The following DLGAP4 variants were observed in gnomAD, a reference collection of about 807,000 sequenced individuals.
The protein encoded by DLGAP4 is DLG associated protein 4.
In DLGAP4, 18 loss-of-function variants were observed where a neutral mutation model predicts 86.9. That is an observed-to-expected ratio of 0.21 (90% CI 0.14 to 0.31). DLGAP4 has a LOEUF of 0.31. Ranked by LOEUF, DLGAP4 falls within the 10% of genes least tolerant of loss-of-function variation. The pLI, the probability that DLGAP4 is intolerant of heterozygous loss-of-function variation, is 1.00. For synonymous variants in DLGAP4, 548 were observed against 574.3 expected, an observed-to-expected ratio of 0.95 and a Z score of 0.65; for missense variants, 1,085 against 1,362.6, an observed-to-expected ratio of 0.80 and a Z score of 3.21.
intron 7 of DLGAP4, among the ~76,000 whole-genome samples, chr20:36,480,408 C>T (rs556624235): frequency 6.6e-5 from 10 of 152,188 alleles, no homozygotes; most frequent in African/African-American, 2.2e-4. Context: ...AACAATTCTC[C>T]GGAGGTAGGG....
In DLGAP4 at chr20:36,446,869, G is replaced by A. The variant is rs748342495; in HGVS notation, c.1580G>A (p.Ser527Asn). 5.6e-6 allele frequency: 9 copies of A among 1,613,356 alleles called. No homozygotes were observed. The East Asian group carries it at 1.6e-4, about 28-fold the overall frequency. The part of the protein sequence containing the change: ...IQAGCSQEED[S>N]VSLQSLSPPP... ...GCAGGCTGCTCGCAGGAGGAGGACA[G>A]TGTCTCCCTGCAGTCCCTCTCCCCA... The change falls in exon 7 of 13, where the codon AGT becomes AAT. Residue 527 changes from serine (S) to asparagine (N), a missense_variant. This residue lies in a region of DLGAP4 where 1,082 missense variants were observed against 1,344.1 expected (regional missense o/e 0.81). Transcript: ENST00000339266.
rs1453542541 is a variant in DLGAP4 at position 36,308,824 on chromosome 20, G to T, written c.-304+2312G>T. Among the ~76,000 whole-genome samples, 1 of 152,136 alleles carries T rather than the reference G, an allele frequency of 6.6e-6. No individual in the cohort carries two copies. The highest frequency in any genetic ancestry group is 1.5e-5 in the Non-Finnish European group (1 of 68,040). The stretch of plus-strand genomic sequence containing the variant: ...GAAAATCGCATTTGCTAACATCAGT[G>T]CATTTGAACACTTTCATTTAAACAT... On this transcript the variant is annotated intron_variant, in intron 1 of 12. Coordinates refer to ENST00000339266, the MANE Select transcript of DLGAP4 (RefSeq NM_001365621.2). This position sits in a 1 kb window ranked among gnomAD's most constrained non-coding sequence, Gnocchi z 4.5.
chr20:36,435,078 T>TGG (rs113537390), intron 3 of DLGAP4, among the ~76,000 whole-genome samples: 24 of 147,946 alleles, frequency 1.6e-4, no homozygotes, highest in African/African-American at 4.2e-4. Flanking sequence ...TGCATACTTG[T>TGG]GGGGGGGGGT....
intron 7 of DLGAP4, among the ~76,000 whole-genome samples, chr20:36,477,206 C>T (rs944668099): frequency 1.3e-5 from 2 of 151,726 alleles, no homozygotes; most frequent in African/African-American, 4.8e-5. Context: ...AGTGATTCTC[C>T]TGCCTCAGCC....
chr20:36,484,823 T>C (rs1350873915), intron 7 of DLGAP4, among the ~76,000 whole-genome samples: 1 of 152,260 alleles, frequency 6.6e-6, no homozygotes, highest in Non-Finnish European at 1.5e-5. Flanking sequence ...TCGTGTGCCA[T>C]GGGCCACTGC....
rs543510218 is a variant in DLGAP4 at position 36,436,055 on chromosome 20, G to T, written c.1000-54G>T. 15 of 1,492,232 alleles carry T rather than the reference G, an allele frequency of 1.0e-5. No homozygotes were observed. The Admixed American group carries it at 2.0e-4, about 20-fold the overall frequency. 92.4% of individuals were successfully genotyped at this position (1,492,232 alleles called of 1,614,324 possible). ...TCAGGTCCCGGAGATGGGGGTTCTC[G>T]CCATCTGCTCATTTTCTGCGGTGGC... On this transcript the variant is annotated intron_variant, in intron 3 of 12. Coordinates refer to ENST00000339266, the MANE Select transcript of DLGAP4 (RefSeq NM_001365621.2).
intron 4 of DLGAP4, among the ~76,000 whole-genome samples, chr20:36,437,091 A>C (rs766216348): frequency 1.3e-5 from 2 of 152,100 alleles, no homozygotes; most frequent in Non-Finnish European, 2.9e-5. Flanking sequence ...CCTCAGCTTC[A>C]GATCCAGGTG....
At chr20:36,347,780 T>C (rs1479210953) in intron 1 of DLGAP4, among the ~76,000 whole-genome samples, 1 of 149,742 alleles carries the variant, frequency 6.7e-6, no homozygotes, top group African/African-American at 2.5e-5. Context: ...GAGCAATGAT[T>C]GTGCCACTGC....
intron 2 of DLGAP4, among the ~76,000 whole-genome samples, chr20:36,415,265 A>G (rs1201781853): frequency 1.3e-5 from 2 of 152,256 alleles, no homozygotes; most frequent in East Asian, 3.9e-4. Context: ...ACTCTGTCTC[A>G]AAAGAAAACA....
intron 2 of DLGAP4, among the ~76,000 whole-genome samples, chr20:36,430,645 T>C (rs1390545332): frequency 1.1e-5 from 1 of 94,806 alleles, no homozygotes; most frequent in Non-Finnish European, 2.2e-5. Flanking sequence ...TGTGACCTTG[T>C]TGCAAAAAAA....
intron 10 of DLGAP4, among the ~76,000 whole-genome samples, chr20:36,505,318 C>T (rs1186822305): frequency 1.3e-5 from 2 of 151,956 alleles, no homozygotes; most frequent in Admixed American, 1.3e-4. Context: ...TTGATGAAGT[C>T]CATTTTTTCC....
chr20:36,383,190 T>C (rs988616051), intron 2 of DLGAP4, among the ~76,000 whole-genome samples: 1 of 152,096 alleles, frequency 6.6e-6, no homozygotes, highest in East Asian at 1.9e-4. Flanking sequence ...GTCCTGAGGG[T>C]CCTTAAAGAA....
At chr20:36,465,128 CTT>C (rs1477943180) in intron 7 of DLGAP4, 1 of 151,992 alleles carries the variant, frequency 6.6e-6, no homozygotes, top group African/African-American at 2.4e-5. Context: ...TGACTTTTCT[CTT>C]TGTAGGAACT....
At chr20:36,317,286 T>A (rs1370333044) in intron 1 of DLGAP4, among the ~76,000 whole-genome samples, 38 of 42,342 alleles carry the variant, frequency 9.0e-4, no homozygotes, top group African/African-American at 2.1e-3. Flanking sequence ...TTATCTTTCT[T>A]TCTTTCTTAT....
chr20:36,328,126 G>A (rs2065234195), intron 1 of DLGAP4, among the ~76,000 whole-genome samples: 1 of 152,016 alleles, frequency 6.6e-6, no homozygotes, highest in Non-Finnish European at 1.5e-5. Flanking sequence ...TTGAACCTGG[G>A]AGGTGGAGGT....
At position 36,528,016 on chromosome 20, in the gene DLGAP4, GCTGGCTCTCGGGGCAC is replaced by G. The variant is rs764068541; in HGVS notation, c.*991_*1006del. On this transcript the variant is annotated 3_prime_UTR_variant, in exon 13 of 13. Coordinates refer to ENST00000339266, the MANE Select transcript of DLGAP4 (RefSeq NM_001365621.2). ...CCCATGCCCACCCAGCGCCGCCGCC[GCTGGCTCTCGGGGCAC>G]CTGGCAGGAGGCGGGTGTGTGAATA... The G allele has an allele frequency of 6.5e-6, 1 of 152,696 alleles. No individual in the cohort carries two copies. Among genetic ancestry groups the G allele is most frequent in the Non-Finnish European group, 1.5e-5 (1 of 68,126 alleles). The allele number at this position is 152,696 out of a possible 1,614,324, so 9.5% of individuals were successfully genotyped here.
At position 36,499,668 on chromosome 20, in the gene DLGAP4, C is replaced by T. The variant is rs2036048277; in HGVS notation, c.2091C>T (p.Asp697=). Reference sequence around the variant, plus strand: ...AGTCCATCGGGGTTCAGGTAGAGGACGACTGGCGGTAAGTCGGACAGAGGT... The same window carrying T: ...AGTCCATCGGGGTTCAGGTAGAGGATGACTGGCGGTAAGTCGGACAGAGGT... ...KFQSIGVQVE[D]DWRSSVPSHS... The change falls in exon 9 of 13, where the codon GAC becomes GAT. Residue 697 remains aspartate, a synonymous_variant. Coordinates refer to ENST00000339266, the MANE Select transcript of DLGAP4 (RefSeq NM_001365621.2). The T allele has an allele frequency of 2.0e-5, 32 of 1,613,558 alleles. No individual in the cohort carries two copies. Among genetic ancestry groups the T allele is most frequent in the Non-Finnish European group, 2.6e-5 (31 of 1,179,834 alleles).
intron 1 of DLGAP4, among the ~76,000 whole-genome samples, chr20:36,329,182 T>C (rs946765434): frequency 2.6e-5 from 4 of 152,184 alleles, no homozygotes; most frequent in Non-Finnish European, 5.9e-5. Flanking sequence ...ATTCCTGGGA[T>C]TACATGCGTG....
intron 7 of DLGAP4, chr20:36,461,751 G>GGGGCCCCC: frequency 1.6e-6 from 1 of 618,846 alleles, no homozygotes; most frequent in Non-Finnish European, 1.9e-6. Context: ...CCGTCCGTCC[G>GGGGCCCCC]CCCGCCCGCC....
Sources: gnomAD v4.1 joint callset for allele counts (sites outside exome capture counted in the v4.1 genomes callset) on GRCh38, gnomAD v4.1.1 for gene constraint, gnomAD v4.1.1 regional missense constraint, Gnocchi (gnomAD v3.1) non-coding constraint, MANE v1.5 for transcripts, NCBI Gene and HGNC (gene_info 2026-07-23, HGNC 2026-07-21) for gene names.